The following SYT14 variants were observed in gnomAD, a reference collection of about 807,000 sequenced individuals.
SYT14 encodes synaptotagmin-14.
SYT14 carries 32 observed loss-of-function variants against 74.2 expected under a neutral mutation model. The ratio of observed to expected loss-of-function variants is 0.43; its 90% CI spans 0.33 to 0.58. The LOEUF (loss-of-function observed/expected upper bound fraction) is 0.58, where lower values mean the gene tolerates loss of function less well. Among genes scored for constraint, SYT14 ranks in the 20% least tolerant of loss-of-function variants. The probability of loss-of-function intolerance (pLI) is 0.05; values close to 1 mark genes in which losing one functional copy is unlikely to be tolerated. For synonymous variants in SYT14, 298 were observed against 337.7 expected, an observed-to-expected ratio of 0.88 and a Z score of 1.29; for missense variants, 791 against 981.8, an observed-to-expected ratio of 0.81 and a Z score of 2.60.
intron 5 of SYT14, among the ~76,000 whole-genome samples, chr1:210,083,388 A>C (rs1360446544): frequency 6.6e-6 from 1 of 152,180 alleles, no homozygotes; most frequent in Non-Finnish European, 1.5e-5. Context: ...TTTTTCTAAT[A>C]AAATGTATCT....
intron 2 of SYT14, among the ~76,000 whole-genome samples, chr1:210,006,585 A>T (rs528015996): frequency 6.6e-6 from 1 of 152,098 alleles, no homozygotes; most frequent in South Asian, 2.1e-4. Context: ...TATCCATGAC[A>T]TGGAGTTAGA....
At chr1:210,099,596 C>T (rs1306811549) in intron 6 of SYT14, among the ~76,000 whole-genome samples, 1 of 152,062 alleles carries the variant, frequency 6.6e-6, no homozygotes, top group Non-Finnish European at 1.5e-5. Flanking sequence ...TAGCGTTATA[C>T]TTTTATTTAT....
intron 2 of SYT14, among the ~76,000 whole-genome samples, chr1:209,964,137 G>A (rs1351283474): frequency 6.6e-6 from 1 of 152,106 alleles, no homozygotes; most frequent in African/African-American, 2.4e-5. Flanking sequence ...CATGGGGGCA[G>A]GTTCCCCCAT....
At chr1:210,081,055 A>C (rs114777979) in intron 5 of SYT14, among the ~76,000 whole-genome samples, 1,635 of 152,296 alleles carry the variant, frequency 0.011, 36 homozygotes, top group African/African-American at 0.036. Flanking sequence ...ATAAAAGACC[A>C]TAGCGCATTG....
rs1267717414 is a variant in SYT14 at position 210,134,024 on chromosome 1, A to G, written c.2035-21697A>G. On this transcript the variant is annotated intron_variant, in intron 7 of 9. Coordinates refer to ENST00000637265, the Ensembl canonical transcript of SYT14. ...ACATTATTCATGTAAGGGTTGGCAC[A>G]TAGTTACAATTTGATTGGTTAGGTT... is the stretch of plus-strand genomic sequence containing the variant. Among the ~76,000 whole-genome samples the G allele has an allele frequency of 3.3e-5, 5 of 151,978 alleles. No homozygotes were observed. In the East Asian group the frequency reaches 9.6e-4, roughly 29 times the overall value.
intron 1 of SYT14, among the ~76,000 whole-genome samples, chr1:209,947,936 G>T (rs2078848310): frequency 6.6e-6 from 1 of 152,136 alleles, no homozygotes; most frequent in South Asian, 2.1e-4. Context: ...CCAGCAAAAA[G>T]ATAGGACTTG....
chr1:210,074,555 T>C (rs2102456452), intron 5 of SYT14, among the ~76,000 whole-genome samples: 1 of 152,360 alleles, frequency 6.6e-6, no homozygotes, highest in African/African-American at 2.4e-5. Context: ...TACTTCACTC[T>C]GTAAAAAAAT....
At chr1:209,942,360 A>AACCCCCCCC (rs2078747291) in intron 1 of SYT14, among the ~76,000 whole-genome samples, 4 of 74,596 alleles carry the variant, frequency 5.4e-5, no homozygotes, top group African/African-American at 2.8e-4. Context: ...ATGCAAATTT[A>AACCCCCCCC]CCCCCCCCCC....
At chr1:210,056,450 G>A (rs1379211963) in intron 5 of SYT14, among the ~76,000 whole-genome samples, 1 of 152,000 alleles carries the variant, frequency 6.6e-6, no homozygotes, top group Non-Finnish European at 1.5e-5. Flanking sequence ...GGCAGAGCTC[G>A]AGCTCCTTAT....
At chr1:210,145,723 A>G (rs900708885) in intron 7 of SYT14, among the ~76,000 whole-genome samples, 8 of 152,096 alleles carry the variant, frequency 5.3e-5, no homozygotes, top group African/African-American at 1.7e-4. Flanking sequence ...ACCAGTTTAC[A>G]TTTACCAAAC....
At chr1:209,948,748 TTTATCTATAAAATTATGA>T (rs1252409806) in intron 1 of SYT14, among the ~76,000 whole-genome samples, 1 of 152,206 alleles carries the variant, frequency 6.6e-6, no homozygotes, top group Non-Finnish European at 1.5e-5. Context: ...GGCGTCTCCA[TTTATCTATAAAATTATGA>T]ACTAGACAAA....
At chr1:209,960,239 G>A (rs1284552752) in intron 2 of SYT14, among the ~76,000 whole-genome samples, 2 of 152,016 alleles carry the variant, frequency 1.3e-5, no homozygotes, top group Non-Finnish European at 2.9e-5. Context: ...ACTTTATTGG[G>A]TATTCACAAA....
intron 5 of SYT14, among the ~76,000 whole-genome samples, chr1:210,059,045 A>G (rs1356038968): frequency 6.6e-6 from 1 of 152,136 alleles, no homozygotes; most frequent in Non-Finnish European, 1.5e-5. Flanking sequence ...AGCACTGTGA[A>G]CTATGAACTA....
intron 2 of SYT14, among the ~76,000 whole-genome samples, chr1:209,983,923 T>G (rs568434147): frequency 6.6e-6 from 1 of 152,326 alleles, no homozygotes; most frequent in African/African-American, 2.4e-5. Context: ...AGACTATTTT[T>G]GAAAAGTCTT....
At chr1:210,008,371 T>C (rs1340199537) in intron 2 of SYT14, among the ~76,000 whole-genome samples, 2 of 151,536 alleles carry the variant, frequency 1.3e-5, no homozygotes, top group African/African-American at 4.9e-5. Context: ...ATAGAATTTT[T>C]TTTTTTCTTT....
At chr1:210,078,817 GCT>G (rs1324649870) in intron 5 of SYT14, among the ~76,000 whole-genome samples, 10 of 151,566 alleles carry the variant, frequency 6.6e-5, no homozygotes, top group Non-Finnish European at 1.0e-4. Context: ...TGTTATCATG[GCT>G]CACTGTAGCC....
chr1:210,125,914 G>T (rs545956037), intron 7 of SYT14, among the ~76,000 whole-genome samples: 1 of 152,218 alleles, frequency 6.6e-6, no homozygotes, highest in Admixed American at 6.5e-5. Flanking sequence ...GTAAAGAAAG[G>T]CAACGTCCAG....
chr1:210,104,459 T>G (rs554718010), intron 7 of SYT14, among the ~76,000 whole-genome samples: 18 of 152,346 alleles, frequency 1.2e-4, no homozygotes, highest in African/African-American at 4.1e-4. Context: ...TACTGTCTTA[T>G]GCCAAACTCA....
chr1:210,090,651 T>G (rs2081848434), intron 5 of SYT14, among the ~76,000 whole-genome samples: 1 of 152,164 alleles, frequency 6.6e-6, no homozygotes, highest in African/African-American at 2.4e-5. Flanking sequence ...AAGCAGGAAC[T>G]AAAGTAATGG....
Sources: gnomAD v4.1 joint callset for allele counts (sites outside exome capture counted in the v4.1 genomes callset) on GRCh38, gnomAD v4.1.1 for gene constraint, MANE v1.5 for transcripts, NCBI Gene and HGNC (gene_info 2026-07-23, HGNC 2026-07-21) for gene names.